Variants in AFF3 observed in about 807,000 individuals in gnomAD.
AFF3 encodes AF4/FMR2 family member 3.
In AFF3, 32 loss-of-function variants were observed where a neutral mutation model predicts 129.7. That is an observed-to-expected ratio of 0.25 (90% CI 0.19 to 0.33). AFF3 has a LOEUF of 0.33. AFF3 is among the 10% of genes least tolerant of loss of function. The pLI, the probability that AFF3 is intolerant of heterozygous loss-of-function variation, is 1.00. For missense variants in AFF3, 1,373 were observed against 1,592.0 expected (o/e 0.86, Z 2.34); for synonymous variants, 644 against 635.4 (o/e 1.01, Z -0.20).
chr2:99,677,932 C>T (rs1170266088), intron 11 of AFF3, among the ~76,000 whole-genome samples: 14 of 152,124 alleles, frequency 9.2e-5, no homozygotes. Context: ...AATCGTCCCA[C>T]CTCAGCCTCC....
intron 3 of AFF3, chr2:100,105,203 C>A (rs1691192434): frequency 6.0e-6 from 4 of 668,578 alleles, no homozygotes; most frequent in African/African-American, 2.0e-5. Context: ...ACTTCTCCCG[C>A]GGCCCAGAAT....
chr2:100,075,713 T>C (rs34714421), intron 4 of AFF3, among the ~76,000 whole-genome samples: 23,299 of 152,210 alleles, frequency 0.15, 2,003 homozygotes, highest in East Asian at 0.28. Context: ...TTACTTTTTC[T>C]GATAGGTTCT....
intron 7 of AFF3, among the ~76,000 whole-genome samples, chr2:99,861,296 A>T (rs1335583860): frequency 6.6e-6 from 1 of 152,226 alleles, no homozygotes; most frequent in African/African-American, 2.4e-5. Context: ...GTAAGAACTC[A>T]TGCAAACTTA....
chr2:99,722,515 C>G (rs1215912043), intron 11 of AFF3, among the ~76,000 whole-genome samples: 1 of 152,152 alleles, frequency 6.6e-6, no homozygotes, highest in Non-Finnish European at 1.5e-5. Flanking sequence ...ACACTGAAAG[C>G]ACACACCCCT....
intron 7 of AFF3, among the ~76,000 whole-genome samples, chr2:99,952,543 T>C (rs1676262196): frequency 1.3e-5 from 2 of 152,324 alleles, no homozygotes; most frequent in South Asian, 2.1e-4. Flanking sequence ...TGACCTCCCA[T>C]GACTCGCTTT....
chr2:99,866,448 G>A (rs962610116), intron 7 of AFF3, among the ~76,000 whole-genome samples: 1 of 152,206 alleles, frequency 6.6e-6, no homozygotes, highest in Admixed American at 6.5e-5. Context: ...AGCGAACCAT[G>A]AGCTCACATC....
chr2:99,842,520 A>G (rs1689393190), intron 7 of AFF3, among the ~76,000 whole-genome samples: 1 of 152,172 alleles, frequency 6.6e-6, no homozygotes. Context: ...AACTTTGAGG[A>G]ACCCACCTCA....
chr2:99,611,878 T>C (rs1483992634), intron 13 of AFF3, among the ~76,000 whole-genome samples: 1 of 136,004 alleles, frequency 7.4e-6, no homozygotes, highest in East Asian at 2.1e-4. Context: ...CAGAGTGAGA[T>C]ATCATCTCAA....
intron 1 of AFF3, among the ~76,000 whole-genome samples, chr2:100,135,301 C>G (rs1692592258): frequency 6.6e-6 from 1 of 152,182 alleles, no homozygotes; most frequent in Admixed American, 6.5e-5. Context: ...GGAACCTATT[C>G]CTCAACCTCT....
intron 12 of AFF3, among the ~76,000 whole-genome samples, chr2:99,659,933 T>C (rs1239594511): frequency 6.6e-6 from 1 of 152,194 alleles, no homozygotes; most frequent in Non-Finnish European, 1.5e-5. Context: ...GGCCTGCTCA[T>C]CTGGGCTTTG....
At chr2:99,626,921 G>A (rs1316576682) in intron 13 of AFF3, among the ~76,000 whole-genome samples, 1 of 152,024 alleles carries the variant, frequency 6.6e-6, no homozygotes, top group Non-Finnish European at 1.5e-5. Context: ...CTTTTTTATG[G>A]CCGCATAGTA....
At chr2:99,554,281 C>T (rs200013601) in intron 24 of AFF3, 30 bp downstream of exon 24, 49 of 1,611,516 alleles carry the variant, frequency 3.0e-5, no homozygotes, top group Middle Eastern at 1.7e-4. Flanking sequence ...GAGGCGGAAG[C>T]CCCTGGTTCC....
chr2:100,063,455 A>C (rs1387308319), intron 4 of AFF3, among the ~76,000 whole-genome samples: 1 of 152,154 alleles, frequency 6.6e-6, no homozygotes, highest in African/African-American at 2.4e-5. Flanking sequence ...AAAAGAACTA[A>C]AACTTTTTAA....
intron 8 of AFF3, among the ~76,000 whole-genome samples, chr2:99,767,869 C>T (rs376479638): frequency 2.0e-5 from 3 of 152,138 alleles, no homozygotes; most frequent in Admixed American, 6.5e-5. Flanking sequence ...AGCATGAACC[C>T]GGGAGGCGGA....
intron 4 of AFF3, among the ~76,000 whole-genome samples, chr2:100,041,826 T>C (rs953430623): frequency 6.6e-6 from 1 of 152,202 alleles, no homozygotes; most frequent in Non-Finnish European, 1.5e-5. Flanking sequence ...ATAGAAGGGA[T>C]ATTTGCATCA....
chr2:99,766,476 A>G (rs1472800997), intron 8 of AFF3, among the ~76,000 whole-genome samples: 1 of 152,246 alleles, frequency 6.6e-6, no homozygotes, highest in Non-Finnish European at 1.5e-5. Flanking sequence ...GTCTACTAAC[A>G]TGCTCCAGAT....
chr2:100,010,790 G>T (rs538168197), intron 4 of AFF3, among the ~76,000 whole-genome samples: 13 of 152,268 alleles, frequency 8.5e-5, no homozygotes, highest in African/African-American at 3.1e-4. Flanking sequence ...TGATGGTCCT[G>T]CCCTGCTTGT....
chr2:100,041,337 G>A (rs989815700), intron 4 of AFF3, among the ~76,000 whole-genome samples: 2 of 152,204 alleles, frequency 1.3e-5, no homozygotes, highest in Admixed American at 6.5e-5. Flanking sequence ...GTAATGCTAA[G>A]CAAAATAGTC....
At chr2:99,676,581 G>A (rs1374780376) in intron 11 of AFF3, among the ~76,000 whole-genome samples, 1 of 152,196 alleles carries the variant, frequency 6.6e-6, no homozygotes, top group Non-Finnish European at 1.5e-5. Context: ...TTTTATCAAT[G>A]CTCATTTTTA....
Sources: gnomAD v4.1 joint callset for allele counts (sites outside exome capture counted in the v4.1 genomes callset) on GRCh38, gnomAD v4.1.1 for gene constraint, MANE v1.5 for transcripts, NCBI Gene and HGNC (gene_info 2026-07-23, HGNC 2026-07-21) for gene names.